ZNF831: variants seen among roughly 807,000 people sequenced by gnomAD.
ZNF831 encodes the protein zinc finger protein 831, also known as chromosome 20 open reading frame 174.
A neutral mutation model predicts 95.8 loss-of-function variants in ZNF831; 59 were observed. The ratio of observed to expected loss-of-function variants is 0.62; its 90% CI spans 0.50 to 0.77. ZNF831 has a LOEUF of 0.77. Among genes scored for constraint, ZNF831 ranks in the 30% least tolerant of loss-of-function variants. The probability of loss-of-function intolerance (pLI) is 0.00; values close to 1 mark genes in which losing one functional copy is unlikely to be tolerated. For missense variants in ZNF831, 2,205 were observed against 2,164.0 expected (o/e 1.02, Z -0.38); for synonymous variants, 961 against 925.5 (o/e 1.04, Z -0.70).
intron 2 of ZNF831, among the ~76,000 whole-genome samples, chr20:59,151,206 G>T (rs1980213115): frequency 6.6e-6 from 1 of 152,198 alleles, no homozygotes; most frequent in South Asian, 2.1e-4. Flanking sequence ...GAGGGGGTGT[G>T]TTGATGTGTG....
intron 2 of ZNF831, among the ~76,000 whole-genome samples, chr20:59,158,518 G>A (rs1218469321): frequency 6.6e-6 from 1 of 152,204 alleles, no homozygotes; most frequent in African/African-American, 2.4e-5. Context: ...CTGAACCACA[G>A]GTGATGGTGA....
intron 1 of ZNF831, among the ~76,000 whole-genome samples, chr20:59,134,190 G>A (rs1057453517): frequency 9.9e-5 from 15 of 152,206 alleles, no homozygotes; most frequent in African/African-American, 3.6e-4. Flanking sequence ...GTAGCAGCCA[G>A]CAGATCCCCT....
intron 1 of ZNF831, among the ~76,000 whole-genome samples, chr20:59,131,607 C>T (rs1381260467): frequency 6.6e-6 from 1 of 152,234 alleles, no homozygotes; most frequent in Non-Finnish European, 1.5e-5. Context: ...AGACCCCAGC[C>T]CCGTGCAGGT....
chr20:59,240,155 C>T (rs919144322), intron 4 of ZNF831, among the ~76,000 whole-genome samples: 1 of 141,102 alleles, frequency 7.1e-6, no homozygotes, highest in African/African-American at 2.6e-5. Context: ...TGCTGTCTAT[C>T]CTCTGTGCGG....
At chr20:59,128,684 C>T (rs1252773634) in intron 1 of ZNF831, among the ~76,000 whole-genome samples, 2 of 152,206 alleles carry the variant, frequency 1.3e-5, no homozygotes, top group Non-Finnish European at 2.9e-5. Context: ...GCAGTGTGAC[C>T]AGGTCAGAGG....
chr20:59,191,427 C>G lies in ZNF831; in HGVS notation c.408C>G (p.Gly136=), dbSNP rs1983511922. The G allele has an allele frequency of 1.2e-6, 2 of 1,612,228 alleles. No homozygotes were observed. Among genetic ancestry groups the G allele is most frequent in the Non-Finnish European group, 1.7e-6 (2 of 1,179,588 alleles). ...PGLGPTLGSP[G]KVRNAGKYLC... ...TGGGCCCCACGCTGGGCAGCCCAGGCAAGGTGCGGAATGCGGGCAAGTACC... is the reference window on the plus strand; with the variant it reads ...TGGGCCCCACGCTGGGCAGCCCAGGGAAGGTGCGGAATGCGGGCAAGTACC... Residue 136 remains glycine, a synonymous_variant, in exon 2 of 6, where the codon GGC becomes GGG. Transcript: ENST00000371030.
intron 4 of ZNF831, among the ~76,000 whole-genome samples, chr20:59,239,763 T>C (rs1373209272): frequency 6.6e-6 from 1 of 152,222 alleles, no homozygotes; most frequent in Non-Finnish European, 1.5e-5. Context: ...CAGGCTGGTC[T>C]TGAACTCCTG....
chr20:59,139,890 T>A (rs1457860453), intron 1 of ZNF831, among the ~76,000 whole-genome samples: 1 of 152,208 alleles, frequency 6.6e-6, no homozygotes, highest in East Asian at 1.9e-4. Context: ...AATTGAACAG[T>A]GATTCAGAAG....
chr20:59,234,904 ATGACCCATTAACTAT>A (rs1435976518), intron 4 of ZNF831, among the ~76,000 whole-genome samples: 3 of 152,148 alleles, frequency 2.0e-5, no homozygotes, highest in Non-Finnish European at 2.9e-5. Flanking sequence ...TTTACAATTA[ATGACCCATTAACTAT>A]TGACCCATTA....
Position 59,164,183 on chromosome 20 carries a change from T to C in ZNF831, c.-61T>C, listed in dbSNP as rs906238776. 2.6e-5 allele frequency among the ~76,000 whole-genome samples: 4 copies of C among 152,168 alleles called. No individual in the cohort carries two copies. The East Asian group carries it at 5.8e-4, about 22-fold the overall frequency. On this transcript the variant is annotated 5_prime_UTR_variant, in exon 1 of 6. An upstream open reading frame in the 5' UTR loses its in-frame stop. Coordinates refer to ENST00000371030, the MANE Select transcript of ZNF831 (RefSeq NM_178457.3). The stretch of plus-strand genomic sequence containing the variant: ...GTGTTTGAATCAGAGCATCATTGGC[T>C]GAAAACACTCCACTGTTTATAAAGG...
In ZNF831 at chr20:59,217,758, C is replaced by T. The variant is rs980508809; in HGVS notation, c.4027+10702C>T. 6.6e-5 allele frequency among the ~76,000 whole-genome samples: 10 copies of T among 152,128 alleles called. No homozygotes were observed. The highest frequency in any genetic ancestry group is 2.1e-4 in the South Asian group (1 of 4,822). On this transcript the variant is annotated intron_variant, in intron 4 of 5. Transcript: ENST00000371030. The surrounding 1 kb of genome is among the most constrained non-coding windows in gnomAD (Gnocchi z 4.4). ...AGTAGAAAAAAAGAACATGGAGGGA[C>T]GATAAGACTCGTTTATTTATTTATT... is the stretch of plus-strand genomic sequence containing the variant.
chr20:59,235,419 C>T (rs985363532), intron 4 of ZNF831, among the ~76,000 whole-genome samples: 5 of 152,058 alleles, frequency 3.3e-5, no homozygotes, highest in Non-Finnish European at 7.3e-5. Context: ...TGCCCCCTGC[C>T]CCCAGGAGTT....
intron 1 of ZNF831, among the ~76,000 whole-genome samples, chr20:59,125,532 T>A (rs548876693): frequency 8.7e-4 from 133 of 152,142 alleles, no homozygotes; most frequent in African/African-American, 3.0e-3. Flanking sequence ...GCTCCGCCGA[T>A]GGGTTTACTT....
chr20:59,161,291 T>A (rs527571453), upstream of ZNF831, among the ~76,000 whole-genome samples: 4 of 152,276 alleles, frequency 2.6e-5, no homozygotes, highest in East Asian at 5.8e-4. Context: ...TTTTTGTTTT[T>A]TTTTGAGATG....
chr20:59,243,771 T>A (rs1190247863), intron 4 of ZNF831, among the ~76,000 whole-genome samples: 1 of 152,198 alleles, frequency 6.6e-6, no homozygotes, highest in Admixed American at 6.5e-5. Flanking sequence ...AGAGTGTAAA[T>A]CTTAAGAAAT....
intron 1 of ZNF831, among the ~76,000 whole-genome samples, chr20:59,164,954 C>G (rs546900186): frequency 6.6e-6 from 1 of 152,316 alleles, no homozygotes; most frequent in Non-Finnish European, 1.5e-5. Flanking sequence ...CATTAGCTGA[C>G]TGGGAAAAAC....
Position 59,192,244 on chromosome 20 carries a change from G to T in ZNF831, c.1225G>T (p.Ala409Ser). The T allele has an allele frequency of 6.3e-7, 1 of 1,595,064 alleles. No homozygotes were observed. Residue 409 changes from alanine (A) to serine (S), a missense_variant, in exon 2 of 6, where the codon GCC becomes TCC. Coordinates refer to ENST00000371030, the MANE Select transcript of ZNF831 (RefSeq NM_178457.3). The surrounding 1 kb of genome is among the most constrained non-coding windows in gnomAD (Gnocchi z 5.2). Reference protein sequence around the residue: ...LEKKRLEERIAQLISHNQAVV... With the variant: ...LEKKRLEERISQLISHNQAVV... ...GAAGAAGCGGCTGGAGGAGCGCATC[G>T]CCCAGCTCATCTCCCACAACCAGGC... is the stretch of plus-strand genomic sequence containing the variant.
intron 4 of ZNF831, among the ~76,000 whole-genome samples, chr20:59,246,177 G>C (rs1458475784): frequency 3.3e-5 from 5 of 151,990 alleles, no homozygotes. Flanking sequence ...GGCCAGGGAT[G>C]GGTCTGGGGG....
chr20:59,215,639 G>T (rs1460023765), intron 4 of ZNF831, among the ~76,000 whole-genome samples: 1 of 152,226 alleles, frequency 6.6e-6, no homozygotes, highest in East Asian at 1.9e-4. Context: ...GAGGCACCCA[G>T]ATGATTGATC....
Sources: allele counts gnomAD v4.1 joint callset (sites outside exome capture counted in the v4.1 genomes callset), GRCh38; gene constraint gnomAD v4.1.1; non-coding constraint Gnocchi (gnomAD v3.1); transcripts MANE v1.5; gene names NCBI Gene and HGNC (gene_info 2026-07-23, HGNC 2026-07-21).